Variants in CHST9 observed in about 807,000 individuals in gnomAD.
The protein encoded by CHST9 is carbohydrate sulfotransferase 9, also known as GalNAc-4-sulfotransferase 2.
In CHST9, 41 loss-of-function variants were observed where a neutral mutation model predicts 44.4. The ratio of observed to expected loss-of-function variants is 0.92; its 90% CI spans 0.72 to 1.20. The LOEUF is 1.20. CHST9 is among the 50% of genes most tolerant of loss of function. The probability of loss-of-function intolerance (pLI) is 0.00; values close to 1 mark genes in which losing one functional copy is unlikely to be tolerated. For missense variants in CHST9, 504 were observed against 516.5 expected (o/e 0.98, Z 0.23); for synonymous variants, 171 against 178.4 (o/e 0.96, Z 0.33).
chr18:27,105,603 G>A (rs1011940032), intron 2 of CHST9, among the ~76,000 whole-genome samples: 3 of 152,288 alleles, frequency 2.0e-5, no homozygotes, highest in African/African-American at 7.2e-5. Flanking sequence ...ATATCCCTAT[G>A]TGCAATGAAT....
chr18:26,923,579 G>A (rs1401527898), intron 5 of CHST9, among the ~76,000 whole-genome samples: 2 of 152,046 alleles, frequency 1.3e-5, no homozygotes, highest in East Asian at 3.8e-4. Context: ...ATACTATTGT[G>A]GATCCTATGG....
At chr18:27,179,969 T>C (rs534541171) in intron 1 of CHST9, among the ~76,000 whole-genome samples, 2 of 152,282 alleles carry the variant, frequency 1.3e-5, no homozygotes, top group African/African-American at 4.8e-5. Flanking sequence ...GAAAGTACTT[T>C]TGGGATTTTA....
intron 4 of CHST9, among the ~76,000 whole-genome samples, chr18:27,011,283 G>T (rs1185795): frequency 0.38 from 57,541 of 152,042 alleles, 11,187 homozygotes; most frequent in East Asian, 0.47. Context: ...TCTTGGTGAA[G>T]GCAGGAATTA....
At chr18:26,986,090 G>A (rs2056751799) in intron 4 of CHST9, among the ~76,000 whole-genome samples, 1 of 151,902 alleles carries the variant, frequency 6.6e-6, no homozygotes, top group Non-Finnish European at 1.5e-5. Flanking sequence ...AAGATTACAA[G>A]GTATGTAAAA....
intron 1 of CHST9, among the ~76,000 whole-genome samples, chr18:27,163,230 G>T (rs888767392): frequency 3.3e-5 from 5 of 152,162 alleles, no homozygotes; most frequent in African/African-American, 1.2e-4. Context: ...CCTACTGGGG[G>T]GTGCCTCCCA....
intron 2 of CHST9, among the ~76,000 whole-genome samples, chr18:27,124,916 G>C (rs920889235): frequency 6.6e-6 from 1 of 152,166 alleles, no homozygotes; most frequent in African/African-American, 2.4e-5. Flanking sequence ...TAAGCAGCCT[G>C]ATCACTTTAT....
intron 4 of CHST9, among the ~76,000 whole-genome samples, chr18:27,003,967 C>T (rs1453910356): frequency 6.6e-6 from 1 of 151,646 alleles, no homozygotes. Flanking sequence ...TATCTATTAC[C>T]ATCACGTTTA....
chr18:27,091,661 G>A (rs1349290892), intron 2 of CHST9, among the ~76,000 whole-genome samples: 1 of 151,966 alleles, frequency 6.6e-6, no homozygotes, highest in East Asian at 1.9e-4. Flanking sequence ...ATGAAGGGCT[G>A]TTGAATTTTG....
intron 5 of CHST9, among the ~76,000 whole-genome samples, chr18:26,918,769 G>A (rs1192114619): frequency 6.6e-6 from 1 of 152,136 alleles, no homozygotes; most frequent in Non-Finnish European, 1.5e-5. Flanking sequence ...AGCTGAGGTT[G>A]AAGGGCACTG....
chr18:27,092,270 C>G (rs2143720301), intron 2 of CHST9, among the ~76,000 whole-genome samples: 1 of 152,306 alleles, frequency 6.6e-6, no homozygotes, highest in Admixed American at 6.5e-5. Context: ...GTTTGTATTT[C>G]TGTGGGATTG....
At chr18:27,059,534 T>C (rs1340003672) in intron 2 of CHST9, among the ~76,000 whole-genome samples, 1 of 152,206 alleles carries the variant, frequency 6.6e-6, no homozygotes, top group Non-Finnish European at 1.5e-5. Context: ...GGTAATGATA[T>C]GAGTCCAAAC....
At chr18:27,112,716 C>T (rs984296972) in intron 2 of CHST9, among the ~76,000 whole-genome samples, 13 of 151,058 alleles carry the variant, frequency 8.6e-5, no homozygotes, top group Admixed American at 1.3e-4. Flanking sequence ...TGAAATAAAA[C>T]CACCTATATT....
In CHST9 at chr18:27,054,822, G is replaced by A. The variant is rs947413960; in HGVS notation, c.122-6319C>T. Among the ~76,000 whole-genome samples the A allele has an allele frequency of 1.8e-4, 27 of 152,080 alleles. No individual in the cohort carries two copies. In the South Asian group the frequency reaches 1.9e-3, roughly 11 times the overall value. On this transcript the variant is annotated intron_variant, in intron 2 of 5. Transcript: ENST00000618847. ...AAATTGTATATGTGTGTGTGTGTGCGTGCACATGCACACACATGTATGTTT... is the reference window on the plus strand; with the variant it reads ...AAATTGTATATGTGTGTGTGTGTGCATGCACATGCACACACATGTATGTTT...
chr18:27,062,997 C>A (rs1258478960), intron 2 of CHST9, among the ~76,000 whole-genome samples: 1 of 152,144 alleles, frequency 6.6e-6, no homozygotes, highest in African/African-American at 2.4e-5. Flanking sequence ...AGGTCTCTTG[C>A]CTCAGGCCCA....
rs528599870 is a variant in CHST9 at position 27,049,094 on chromosome 18, G to A, written c.122-591C>T. Reference sequence around the variant, plus strand: ...TGGGCTAAATGGACAGGGTATTTGCGCAAGAAGAACTTGCACACTTACAGC... The same window carrying A: ...TGGGCTAAATGGACAGGGTATTTGCACAAGAAGAACTTGCACACTTACAGC... On this transcript the variant is annotated intron_variant, in intron 2 of 5. Transcript: ENST00000618847. Among the ~76,000 whole-genome samples the A allele has an allele frequency of 5.9e-4, 90 of 152,190 alleles. No individual in the cohort carries two copies. The South Asian group carries it at 7.9e-3, about 13-fold the overall frequency.
chr18:27,027,759 AATC>A (rs2057298324), intron 3 of CHST9, among the ~76,000 whole-genome samples: 1 of 152,196 alleles, frequency 6.6e-6, no homozygotes, highest in Non-Finnish European at 1.5e-5. Flanking sequence ...CTACACCCAT[AATC>A]ATCATGTATA....
intron 4 of CHST9, among the ~76,000 whole-genome samples, chr18:27,006,816 C>T (rs974889172): frequency 2.6e-5 from 4 of 152,144 alleles, no homozygotes; most frequent in Non-Finnish European, 4.4e-5. Flanking sequence ...CCAGCAAAGC[C>T]GGGTCATTTG....
At chr18:26,947,911 G>T (rs62083758) in intron 4 of CHST9, among the ~76,000 whole-genome samples, 1 of 152,132 alleles carries the variant, frequency 6.6e-6, no homozygotes, top group East Asian at 1.9e-4. Flanking sequence ...ATACCCAAAG[G>T]ATTATAAATC....
intron 1 of CHST9, among the ~76,000 whole-genome samples, chr18:27,183,943 G>A (rs912594375): frequency 6.6e-6 from 1 of 152,136 alleles, no homozygotes. Context: ...TGGTCACAAT[G>A]CATTTGGATG....
Sources: allele counts gnomAD v4.1 joint callset (sites outside exome capture counted in the v4.1 genomes callset), GRCh38; gene constraint gnomAD v4.1.1; transcripts MANE v1.5; gene names NCBI Gene and HGNC (gene_info 2026-07-23, HGNC 2026-07-21).